The following NTM variants were observed in gnomAD, a reference collection of about 807,000 sequenced individuals.
NTM encodes neurotrimin.
Under a neutral mutation model 42.1 loss-of-function variants are expected in NTM, and 13 were observed. The observed-to-expected ratio is 0.31, with a 90% CI of 0.20 to 0.49. The LOEUF (loss-of-function observed/expected upper bound fraction) is 0.49, where lower values mean the gene tolerates loss of function less well. Ranked by LOEUF, NTM falls within the 20% of genes least tolerant of loss-of-function variation. NTM has a pLI of 0.99. For synonymous variants in NTM, 187 were observed against 179.2 expected, an observed-to-expected ratio of 1.04 and a Z score of -0.35; for missense variants, 373 against 452.8, an observed-to-expected ratio of 0.82 and a Z score of 1.60.
chr11:131,662,951 G>A (rs1302011446), intron 1 of NTM, among the ~76,000 whole-genome samples: 1 of 152,064 alleles, frequency 6.6e-6, no homozygotes, highest in African/African-American at 2.4e-5. Context: ...TAAGTACATG[G>A]GATATATTTG....
rs569055827 is a variant in NTM at position 131,738,919 on chromosome 11, T to C, written c.83-172645T>C. Among the ~76,000 whole-genome samples the C allele has an allele frequency of 5.9e-5, 9 of 152,330 alleles. No homozygotes were observed. In the South Asian group the frequency reaches 1.9e-3, roughly 32 times the overall value. ...GGTGGTGTGAACAACTCCCGTCAAA[T>C]GAGTCAAAGCCCCAGAATGAGATTC... is the stretch of plus-strand genomic sequence containing the variant. On this transcript the variant is annotated intron_variant, in intron 1 of 8. Transcript: ENST00000683400.
intron 2 of NTM, among the ~76,000 whole-genome samples, chr11:132,005,969 T>C (rs1363142126): frequency 6.6e-6 from 1 of 152,202 alleles, no homozygotes; most frequent in East Asian, 1.9e-4. Flanking sequence ...CGTGTTTCAA[T>C]TATTAGTGTT....
intron 1 of NTM, among the ~76,000 whole-genome samples, chr11:131,608,992 C>T (rs2061242858): frequency 1.3e-5 from 2 of 152,196 alleles, no homozygotes; most frequent in African/African-American, 4.8e-5. Flanking sequence ...AAAATGTTTT[C>T]TTAAACACCA....
In NTM at chr11:132,029,069, T is replaced by G. The variant is rs201747629; in HGVS notation, c.168-117213T>G. 1.4e-3 allele frequency among the ~76,000 whole-genome samples: 213 copies of G among 151,988 alleles called. 4 individuals are homozygous for G. In the East Asian group the frequency reaches 0.021, roughly 15 times the overall value. ...TATGGTTGGTTGGTGTGGGTTTTTT[T>G]TTTTGTTTTGTTTTGTTTTTTTGCT... On this transcript the variant is annotated intron_variant, in intron 2 of 8. Transcript: ENST00000683400.
At chr11:132,084,760 A>T (rs2059497882) in intron 2 of NTM, among the ~76,000 whole-genome samples, 1 of 152,206 alleles carries the variant, frequency 6.6e-6, no homozygotes, top group African/African-American at 2.4e-5. Context: ...TTGGTAGTCT[A>T]TGCATGAGGC....
chr11:131,468,151 C>T lies in NTM; in HGVS notation c.82+97263C>T, dbSNP rs1029593157. Among the ~76,000 whole-genome samples the T allele has an allele frequency of 5.3e-5, 8 of 152,162 alleles. 1 individual carries two copies. The highest frequency in any genetic ancestry group is 2.1e-4 in the South Asian group (1 of 4,828). ...CCTTGGCTGGCAGGTGCACAGCCTG[C>T]CCACTCGCACTTTGCCTGCCCCCCT... On this transcript the variant is annotated intron_variant, in intron 1 of 8. Transcript: ENST00000683400.
intron 1 of NTM, among the ~76,000 whole-genome samples, chr11:131,580,211 CCAAT>C (rs940756141): frequency 5.3e-5 from 8 of 152,196 alleles, no homozygotes; most frequent in African/African-American, 1.7e-4. Context: ...ATAAACATCC[CCAAT>C]CAGTCATTTC....
At chr11:131,974,297 G>A (rs1333964200) in intron 2 of NTM, among the ~76,000 whole-genome samples, 1 of 152,116 alleles carries the variant, frequency 6.6e-6, no homozygotes, top group East Asian at 1.9e-4. Flanking sequence ...ATGAATGAAT[G>A]AATGAATGAA....
chr11:131,947,951 T>C (rs1350296729), intron 2 of NTM, among the ~76,000 whole-genome samples: 1 of 152,182 alleles, frequency 6.6e-6, no homozygotes, highest in Non-Finnish European at 1.5e-5. Context: ...GTAGTACTTA[T>C]TATTAGTAGT....
chr11:131,993,532 TA>T (rs1236672675), intron 2 of NTM, among the ~76,000 whole-genome samples: 1 of 152,170 alleles, frequency 6.6e-6, no homozygotes, highest in Non-Finnish European at 1.5e-5. Flanking sequence ...GTTGTATATA[TA>T]GGGATTCTGA....
chr11:131,663,339 G>A (rs2068429134), intron 1 of NTM: 1 of 152,232 alleles, frequency 6.6e-6, no homozygotes, highest in African/African-American at 2.4e-5. Context: ...GCTGCCGAAT[G>A]CGCCAGGCTC....
At chr11:131,844,698 G>A (rs941614544) in intron 1 of NTM, among the ~76,000 whole-genome samples, 2 of 152,058 alleles carry the variant, frequency 1.3e-5, no homozygotes. Context: ...GTTTTATACA[G>A]TCGGTTATTC....
intron 1 of NTM, among the ~76,000 whole-genome samples, chr11:131,496,260 C>G (rs575148260): frequency 6.6e-6 from 1 of 152,342 alleles, no homozygotes; most frequent in Non-Finnish European, 1.5e-5. Context: ...TTTACACCCC[C>G]TTCACCTCAA....
intron 1 of NTM, among the ~76,000 whole-genome samples, chr11:131,591,198 G>A (rs961761827): frequency 4.6e-5 from 7 of 152,182 alleles, no homozygotes; most frequent in East Asian, 1.9e-4. Flanking sequence ...TTCTCTGCTC[G>A]CTGCTCTCAT....
intron 1 of NTM, among the ~76,000 whole-genome samples, chr11:131,699,288 T>G (rs1344847661): frequency 1.3e-5 from 2 of 152,216 alleles, no homozygotes; most frequent in African/African-American, 4.8e-5. Flanking sequence ...TGAGTTTTTG[T>G]CCACCTACAA....
At chr11:131,453,030 G>A (rs945883729) in intron 1 of NTM, among the ~76,000 whole-genome samples, 4 of 152,174 alleles carry the variant, frequency 2.6e-5, no homozygotes, top group South Asian at 4.1e-4. Flanking sequence ...TATTTCCAAT[G>A]GCTCCAGCTC....
chr11:131,413,406 T>A (rs1223222468), intron 1 of NTM, among the ~76,000 whole-genome samples: 2 of 152,154 alleles, frequency 1.3e-5, no homozygotes, highest in Non-Finnish European at 2.9e-5. Flanking sequence ...GCCGGAGTGG[T>A]GTGAGTTGAG....
intron 4 of NTM, among the ~76,000 whole-genome samples, chr11:132,234,061 A>C (rs184443615): frequency 1.3e-5 from 2 of 152,252 alleles, no homozygotes; most frequent in Admixed American, 1.3e-4. Context: ...CTCTGCCTCC[A>C]TCTTCATTAT....
intron 2 of NTM, among the ~76,000 whole-genome samples, chr11:131,971,040 C>T (rs1230880481): frequency 6.6e-6 from 1 of 152,194 alleles, no homozygotes; most frequent in African/African-American, 2.4e-5. Context: ...TGACAAACAA[C>T]CCTTTACAAA....
Sources: gnomAD v4.1 joint callset for allele counts (sites outside exome capture counted in the v4.1 genomes callset) on GRCh38, gnomAD v4.1.1 for gene constraint, MANE v1.5 for transcripts, NCBI Gene and HGNC (gene_info 2026-07-23, HGNC 2026-07-21) for gene names.